Variants in ADAM18 observed in about 807,000 individuals in gnomAD.
The protein encoded by ADAM18 is ADAM metallopeptidase domain 18, also known as disintegrin and metalloproteinase domain-containing protein 18.
ADAM18 carries 117 observed loss-of-function variants against 94.4 expected under a neutral mutation model. The ratio of observed to expected loss-of-function variants is 1.24; its 90% confidence interval spans 1.07 to 1.45. The LOEUF (loss-of-function observed/expected upper bound fraction) is 1.45, where lower values mean the gene tolerates loss of function less well. ADAM18 is among the 40% of genes most tolerant of loss of function. The probability of loss-of-function intolerance (pLI) is 0.00; values close to 1 mark genes in which losing one functional copy is unlikely to be tolerated. For missense variants in ADAM18, 936 were observed against 880.0 expected (o/e 1.06, Z -0.81); for synonymous variants, 327 against 291.6 (o/e 1.12, Z -1.24).
chr8:39,587,497 T>A (rs1818438822), intron 2 of ADAM18, among the ~76,000 whole-genome samples: 1 of 152,190 alleles, frequency 6.6e-6, no homozygotes, highest in East Asian at 1.9e-4. Context: ...CAGGCTGGAG[T>A]GCAGTGGTGT....
At chr8:39,688,586 G>A (rs532235984) in intron 16 of ADAM18, among the ~76,000 whole-genome samples, 1 of 152,240 alleles carries the variant, frequency 6.6e-6, no homozygotes, top group Non-Finnish European at 1.5e-5. Flanking sequence ...TGTCTGCATA[G>A]TATTCCATAG....
At chr8:39,611,077 C>A in intron 6 of ADAM18, 9 of 1,006,864 alleles carry the variant, frequency 8.9e-6, no homozygotes, top group Non-Finnish European at 1.1e-5. Flanking sequence ...AAATGCACAG[C>A]CATTTGCATG....
intron 11 of ADAM18, among the ~76,000 whole-genome samples, chr8:39,646,524 A>G (rs746512711): frequency 5.9e-5 from 9 of 152,214 alleles, no homozygotes; most frequent in Non-Finnish European, 8.8e-5. Flanking sequence ...GTTCTATTCT[A>G]GTGTGTATGT....
chr8:39,675,134 G>A (rs1323920805), intron 14 of ADAM18, among the ~76,000 whole-genome samples: 1 of 152,094 alleles, frequency 6.6e-6, no homozygotes, highest in Non-Finnish European at 1.5e-5. Flanking sequence ...TATCTTTGTG[G>A]TGTTCTCTGT....
intron 16 of ADAM18, among the ~76,000 whole-genome samples, chr8:39,684,000 C>T (rs1313259961): frequency 1.3e-5 from 2 of 152,040 alleles, no homozygotes; most frequent in African/African-American, 2.4e-5. Context: ...AAAAAATTAG[C>T]CAGGTATGGT....
At chr8:39,671,358 G>A (rs1250662654) in intron 14 of ADAM18, among the ~76,000 whole-genome samples, 1 of 152,160 alleles carries the variant, frequency 6.6e-6, no homozygotes, top group Admixed American at 6.5e-5. Context: ...GCATTAAATG[G>A]CTATTGCCAA....
chr8:39,613,828 G>A (rs919923263), intron 6 of ADAM18, among the ~76,000 whole-genome samples: 4 of 152,212 alleles, frequency 2.6e-5, no homozygotes, highest in Admixed American at 2.0e-4. Flanking sequence ...GAGTTTCATA[G>A]TACAATCAGA....
At chr8:39,652,048 T>C (rs1224195954) in intron 12 of ADAM18, among the ~76,000 whole-genome samples, 1 of 151,892 alleles carries the variant, frequency 6.6e-6, no homozygotes, top group Non-Finnish European at 1.5e-5. Context: ...AAAAAACCAA[T>C]GCAAAATGGA....
intron 14 of ADAM18, among the ~76,000 whole-genome samples, chr8:39,672,928 G>A (rs1821195802): frequency 6.6e-6 from 1 of 152,106 alleles, no homozygotes; most frequent in Non-Finnish European, 1.5e-5. Flanking sequence ...GTTTACAGTG[G>A]GTCTGCTAGT....
chr8:39,634,756 C>G (rs982558586), intron 7 of ADAM18, among the ~76,000 whole-genome samples: 2 of 152,066 alleles, frequency 1.3e-5, no homozygotes, highest in African/African-American at 2.4e-5. Flanking sequence ...TGAATTTGCC[C>G]CAGAATAAAT....
At chr8:39,666,401 A>G (rs1171129006) in intron 13 of ADAM18, among the ~76,000 whole-genome samples, 2 of 152,144 alleles carry the variant, frequency 1.3e-5, no homozygotes, top group Non-Finnish European at 2.9e-5. Context: ...ATATATAGTT[A>G]CAGGGTATGG....
At chr8:39,699,088 T>C (rs1006491274) in intron 17 of ADAM18, among the ~76,000 whole-genome samples, 4 of 152,084 alleles carry the variant, frequency 2.6e-5, no homozygotes, top group Admixed American at 2.0e-4. Context: ...CTCCTAAAAA[T>C]TGCCCTGATT....
chr8:39,692,949 C>G (rs1473274602), intron 17 of ADAM18, among the ~76,000 whole-genome samples: 1 of 151,556 alleles, frequency 6.6e-6, no homozygotes, highest in African/African-American at 2.4e-5. Flanking sequence ...TTACTTATAT[C>G]ATGAACATAT....
chr8:39,692,759 T>A, intron 17 of ADAM18, 79 bp downstream of exon 17: 1 of 1,194,086 alleles, frequency 8.4e-7, no homozygotes, highest in Non-Finnish European at 1.2e-6. Flanking sequence ...GGATTGAGAG[T>A]CTAGGTTGAC....
At chr8:39,680,433 T>C (rs959859064) in intron 16 of ADAM18, among the ~76,000 whole-genome samples, 1 of 152,196 alleles carries the variant, frequency 6.6e-6, no homozygotes, top group South Asian at 2.1e-4. Context: ...TCAGTCCTTA[T>C]GTTAAAAAAA....
At chr8:39,674,863 A>G (rs1311853294) in intron 14 of ADAM18, among the ~76,000 whole-genome samples, 1 of 152,138 alleles carries the variant, frequency 6.6e-6, no homozygotes, top group Non-Finnish European at 1.5e-5. Flanking sequence ...AAAGGATTTT[A>G]TTTCTCCTTC....
At chr8:39,728,174 A>G (rs1269268588) in intron 19 of ADAM18, among the ~76,000 whole-genome samples, 2 of 152,176 alleles carry the variant, frequency 1.3e-5, no homozygotes, top group Non-Finnish European at 2.9e-5. Flanking sequence ...ACCCCATGAT[A>G]CAAACACCTC....
At chr8:39,699,427 G>A (rs1015212646) in intron 17 of ADAM18, among the ~76,000 whole-genome samples, 6 of 151,684 alleles carry the variant, frequency 4.0e-5, no homozygotes, top group East Asian at 1.9e-4. Context: ...TGAATGAATC[G>A]TATTAGTGAA....
intron 16 of ADAM18, among the ~76,000 whole-genome samples, chr8:39,690,107 C>T (rs1022333222): frequency 2.0e-4 from 30 of 152,138 alleles, no homozygotes; most frequent in African/African-American, 5.8e-4. Context: ...GAAGCTTTTG[C>T]GCTGAGAGGA....
Sources: gnomAD v4.1 joint callset for allele counts (sites outside exome capture counted in the v4.1 genomes callset) on GRCh38, gnomAD v4.1.1 for gene constraint, MANE v1.5 for transcripts, NCBI Gene and HGNC (gene_info 2026-07-23, HGNC 2026-07-21) for gene names.